The following RBM5 variants were observed in gnomAD, a reference collection of about 807,000 sequenced individuals.
The protein encoded by RBM5 is RNA binding motif protein 5.
Under a neutral mutation model 124.6 loss-of-function variants are expected in RBM5, and 15 were observed. The ratio of observed to expected loss-of-function variants is 0.12; its 90% CI spans 0.08 to 0.19. The LOEUF is 0.19. Among genes scored for constraint, RBM5 ranks in the 10% least tolerant of loss-of-function variants. RBM5 has a pLI of 1.00. For synonymous variants in RBM5, 337 were observed against 361.2 expected (o/e 0.93, Z 0.76); for missense variants, 580 against 1,026.5 (o/e 0.57, Z 5.94).
intron 16 of RBM5, 44 bp downstream of exon 16, chr3:50,110,507 G>C: frequency 6.4e-7 from 1 of 1,573,178 alleles, no homozygotes; most frequent in East Asian, 2.2e-5. Context: ...GAAGGTCTTA[G>C]TTGTTGTCTT....
At chr3:50,115,363 G>C (rs1349301328) in intron 20 of RBM5, 65 bp from the exon 21 acceptor site, 2 of 1,556,546 alleles carry the variant, frequency 1.3e-6, no homozygotes, top group Non-Finnish European at 1.7e-6. Context: ...ACTTTATCCA[G>C]GTACATAGCC....
chr3:50,117,636 CTG>C lies in RBM5; in HGVS notation c.2322+258_2322+259del. 1 of 348,070 alleles carries C rather than the reference CTG, an allele frequency of 2.9e-6. No homozygotes were observed. The highest frequency in any genetic ancestry group is 2.1e-5 in the African/African-American group (1 of 48,618). The allele number at this position is 348,070 out of a possible 1,614,324, so 21.6% of individuals were successfully genotyped here. On this transcript the variant is annotated intron_variant, in intron 24 of 24. Coordinates refer to ENST00000347869, the MANE Select transcript of RBM5 (RefSeq NM_005778.4). This position sits in a 1 kb window ranked among gnomAD's most constrained non-coding sequence, Gnocchi z 4.2. ...TCTCTACTAAAATACAAAATATTAACTGGACGTGGCAGCGTGTGCCTGTAATC... is the reference window on the plus strand; with the variant it reads ...TCTCTACTAAAATACAAAATATTAACGACGTGGCAGCGTGTGCCTGTAATC...
Position 50,104,397 on chromosome 3 carries a change from C to A in RBM5, c.628+89C>A. The A allele has an allele frequency of 3.9e-6, 5 of 1,268,960 alleles. No individual in the cohort carries two copies. The Middle Eastern group carries it at 5.7e-4, about 143-fold the overall frequency. 78.6% of individuals were successfully genotyped at this position (1,268,960 alleles called of 1,614,324 possible). The stretch of plus-strand genomic sequence containing the variant: ...GGCTCACTGTAATCCCACCACTTTG[C>A]AAGGCCAAGGTGGGAAGATCACTTG... On this transcript the variant is annotated intron_variant, in intron 8 of 24. Coordinates refer to ENST00000347869, the MANE Select transcript of RBM5 (RefSeq NM_005778.4).
chr3:50,106,773 TCTC>T lies in RBM5; in HGVS notation c.863_865del (p.Ser288_Gln289delinsTer). ...CCTTCACATTCTCCTTCAGGATGCT[TCTC>T]AGCTGCTTCAGATATTACAGAGTCT... On this transcript the variant is annotated stop_gained and inframe_deletion, in exon 11 of 25. Transcript: ENST00000347869. LOFTEE classifies it high-confidence loss of function. The T allele has an allele frequency of 6.2e-7, 1 of 1,605,112 alleles. No homozygotes were observed. Among genetic ancestry groups the T allele is most frequent in the Non-Finnish European group, 8.5e-7 (1 of 1,171,818 alleles).
In RBM5 at chr3:50,105,063, A is replaced by G. The variant is rs756593948; in HGVS notation, c.629-14A>G. On this transcript the variant is annotated splice_polypyrimidine_tract_variant and intron_variant, in intron 8 of 24. Coordinates refer to ENST00000347869, the MANE Select transcript of RBM5 (RefSeq NM_005778.4). ...TTAGTTGTTTGTCTCTAATTGGATC[A>G]CTTTCCCTTCTAGACTCTGAACAGG... is the stretch of plus-strand genomic sequence containing the variant. The G allele has an allele frequency of 1.0e-5, 16 of 1,544,968 alleles. No homozygotes were observed. The African/African-American group carries it at 2.0e-4, about 20-fold the overall frequency.
intron 6 of RBM5, chr3:50,102,580 C>G (rs539859753): frequency 1.3e-5 from 2 of 153,154 alleles, no homozygotes; most frequent in African/African-American, 2.4e-5. Context: ...CCCTTTCCCC[C>G]CAAAGGACTC....
Position 50,100,843 on chromosome 3 carries a change from C to T in RBM5, c.483+238C>T. 2 of 422,614 alleles carry T rather than the reference C, an allele frequency of 4.7e-6. No individual in the cohort carries two copies. The highest frequency in any genetic ancestry group is 8.4e-6 in the Non-Finnish European group (2 of 237,094). The allele number at this position is 422,614 out of a possible 1,614,324, so 26.2% of individuals were successfully genotyped here. A position where few individuals can be genotyped will look rare whatever the true frequency, so the allele number is the denominator to read the frequency against. ...GCAGGGCTTTGTTAACTACTGAATA[C>T]CTGTCTGGTAATCACTAAAACATCT... On this transcript the variant is annotated intron_variant, in intron 6 of 24. Transcript: ENST00000347869. This position sits in a 1 kb window ranked among gnomAD's most constrained non-coding sequence, Gnocchi z 5.1.
At chr3:50,101,479 A>T (rs545829149) in intron 6 of RBM5, 1 of 152,320 alleles carries the variant, frequency 6.6e-6, no homozygotes, top group Admixed American at 6.5e-5. Flanking sequence ...AGACTCACTA[A>T]TGAGGGTATC....
chr3:50,092,093 A>T lies in RBM5; in HGVS notation c.68A>T (p.Asp23Val), dbSNP rs918442123. The change falls in exon 3 of 25, where the codon GAT becomes GTT. Residue 23 changes from aspartate to valine, a missense_variant. Transcript: ENST00000347869. ...AGATACGGTTCCATCATAGACAGGG[A>T]TGACCGTGATGAGCGTGAATCCCGA... ...SGRYGSIIDR[D>V]DRDERESRSR... 3.7e-6 allele frequency: 6 copies of T among 1,614,118 alleles called. No individual in the cohort carries two copies. The highest frequency in any genetic ancestry group is 5.1e-6 in the Non-Finnish European group (6 of 1,179,974).
chr3:50,093,038 C>A (rs2090735875), intron 3 of RBM5: 2 of 205,888 alleles, frequency 9.7e-6, no homozygotes, highest in Non-Finnish European at 1.8e-5. Context: ...ACTCAGGAGG[C>A]TGAGGTACGA....
chr3:50,105,431 A>G, intron 9 of RBM5, 118 bp from the exon 10 acceptor site: 2 of 1,121,376 alleles, frequency 1.8e-6, no homozygotes, highest in Non-Finnish European at 1.3e-6. Flanking sequence ...ATGTCAGGGT[A>G]GAAAATACAC....
At position 50,096,053 on chromosome 3, in the gene RBM5, A is replaced by G. The variant is rs543006684; in HGVS notation, c.339+2178A>G. Among the ~76,000 whole-genome samples the G allele has an allele frequency of 3.2e-4, 48 of 152,290 alleles. 1 individual carries two copies. Among genetic ancestry groups the G allele is most frequent in the African/African-American group, 9.9e-4 (41 of 41,564 alleles). ...ATATTAGAGTTAATAGTGGGTAATCATTCCATTATTTGTGATCCACTGCAC... is the reference window on the plus strand; with the variant it reads ...ATATTAGAGTTAATAGTGGGTAATCGTTCCATTATTTGTGATCCACTGCAC... On this transcript the variant is annotated intron_variant, in intron 4 of 24. Coordinates refer to ENST00000347869, the MANE Select transcript of RBM5 (RefSeq NM_005778.4).
chr3:50,103,048 A>G lies in RBM5; in HGVS notation c.484-35A>G, dbSNP rs1466399144. 3 of 1,492,026 alleles carry G rather than the reference A, an allele frequency of 2.0e-6. No individual in the cohort carries two copies. The East Asian group carries it at 6.8e-5, about 34-fold the overall frequency. 92.4% of individuals were successfully genotyped at this position (1,492,026 alleles called of 1,614,324 possible). ...CTGGGAAAATGGACACATGTTCCTCACAATGGGAATAACTAATTACTTCTT... is the reference window on the plus strand; with the variant it reads ...CTGGGAAAATGGACACATGTTCCTCGCAATGGGAATAACTAATTACTTCTT... On this transcript the variant is annotated intron_variant, in intron 6 of 24. Coordinates refer to ENST00000347869, the MANE Select transcript of RBM5 (RefSeq NM_005778.4).
chr3:50,103,472 C>T (rs768199867), intron 7 of RBM5, among the ~76,000 whole-genome samples: 26 of 152,102 alleles, frequency 1.7e-4, no homozygotes, highest in African/African-American at 6.3e-4. Context: ...CATGGCAAAA[C>T]CCCGTCTCTA....
At chr3:50,096,587 A>G (rs2090820246) in intron 4 of RBM5, among the ~76,000 whole-genome samples, 1 of 151,854 alleles carries the variant, frequency 6.6e-6, no homozygotes, top group Non-Finnish European at 1.5e-5. Context: ...AGGGTAAGGA[A>G]TCTTCTATTT....
rs745648685 is a variant in RBM5, at chr3:50,115,873, G to A, written c.2020-33G>A. ...GACATTTCAAATTAAGATGGTCTGA[G>A]TCCTTACTGTGTCTTTCAAATCTTT... On this transcript the variant is annotated intron_variant, in intron 21 of 24. Transcript: ENST00000347869. 6.4e-6 allele frequency: 10 copies of A among 1,568,154 alleles called. No homozygotes were observed. In the Admixed American group the frequency reaches 1.7e-4, roughly 26 times the overall value.
chr3:50,100,683 G>A lies in RBM5; in HGVS notation c.483+78G>A. ...AATTTTAAAAAAAGGTTGAAGGAGT[G>A]GTTTGTTCCAAAGGAGTGACTTTTT... On this transcript the variant is annotated intron_variant, in intron 6 of 24. Coordinates refer to ENST00000347869, the MANE Select transcript of RBM5 (RefSeq NM_005778.4). This position sits in a 1 kb window ranked among gnomAD's most constrained non-coding sequence, Gnocchi z 5.1. 4 of 1,222,144 alleles carry A rather than the reference G, an allele frequency of 3.3e-6. No homozygotes were observed. Among genetic ancestry groups the A allele is most frequent in the South Asian group, 1.5e-5 (1 of 68,710 alleles). 75.7% of individuals were successfully genotyped at this position (1,222,144 alleles called of 1,614,324 possible).
rs974416377 is a variant in RBM5 at position 50,102,005 on chromosome 3, C to T, written c.484-1078C>T. The T allele has an allele frequency of 2.6e-5, 4 of 152,138 alleles. No homozygotes were observed. In the South Asian group the frequency reaches 6.2e-4, roughly 24 times the overall value. The allele number at this position is 152,138 out of a possible 1,614,324, so 9.4% of individuals were successfully genotyped here. On this transcript the variant is annotated intron_variant, in intron 6 of 24. Transcript: ENST00000347869. ...GACATGCAGTCTTGCCTTTAGATAT[C>T]GCAGAGACAAAATTCACAGCATGTC...
At chr3:50,108,553 A>G (rs1474170644) in intron 14 of RBM5, among the ~76,000 whole-genome samples, 1 of 152,168 alleles carries the variant, frequency 6.6e-6, no homozygotes, top group African/African-American at 2.4e-5. Context: ...CTAAAACTAC[A>G]GAAATTAGCC....
Sources: allele counts gnomAD v4.1 joint callset (sites outside exome capture counted in the v4.1 genomes callset), GRCh38; gene constraint gnomAD v4.1.1; non-coding constraint Gnocchi (gnomAD v3.1); transcripts MANE v1.5; gene names NCBI Gene and HGNC (gene_info 2026-07-23, HGNC 2026-07-21).